Variants in GREB1L observed in about 807,000 individuals in gnomAD.
GREB1L encodes the protein GREB1-like protein.
In GREB1L, 17 loss-of-function variants were observed where a neutral mutation model predicts 200.8. The ratio of observed to expected loss-of-function variants is 0.08; its 90% CI spans 0.06 to 0.13. The LOEUF is 0.13. Among genes scored for constraint, GREB1L ranks in the 10% least tolerant of loss-of-function variants. GREB1L has a pLI of 1.00. For missense variants in GREB1L, 1,657 were observed against 2,367.7 expected (o/e 0.70, Z 6.23); for synonymous variants, 789 against 893.0 (o/e 0.88, Z 2.08).
Position 21,340,849 on chromosome 18 carries a change from C to T in GREB1L, c.-119-25178C>T, listed in dbSNP as rs545347537. On this transcript the variant is annotated intron_variant, in intron 1 of 32. Coordinates refer to ENST00000424526, the MANE Select transcript of GREB1L (RefSeq NM_001142966.3). ...TTGAGCCACCGCACCCGGCCCTAAC[C>T]AAGATGTTAATAATATACATGAAAG... Among the ~76,000 whole-genome samples, 6 of 152,200 alleles carry T rather than the reference C, an allele frequency of 3.9e-5. No homozygotes were observed. In the South Asian group the frequency reaches 1.2e-3, roughly 32 times the overall value.
At chr18:21,275,384 T>C (rs1305787922) in intron 1 of GREB1L, among the ~76,000 whole-genome samples, 3 of 152,236 alleles carry the variant, frequency 2.0e-5, no homozygotes, top group African/African-American at 7.2e-5. Context: ...TTTTAATTAT[T>C]TATTTTTTTA....
chr18:21,324,370 G>T (rs1231348253), intron 1 of GREB1L, among the ~76,000 whole-genome samples: 1 of 152,136 alleles, frequency 6.6e-6, no homozygotes, highest in Admixed American at 6.5e-5. Flanking sequence ...GTATAATTTG[G>T]CTGTTGGGGA....
At chr18:21,289,241 A>G (rs1475396755) in intron 1 of GREB1L, among the ~76,000 whole-genome samples, 6 of 152,102 alleles carry the variant, frequency 3.9e-5, no homozygotes, top group Non-Finnish European at 7.4e-5. Context: ...TTTACCAGAG[A>G]GGATCTTCTG....
intron 27 of GREB1L, among the ~76,000 whole-genome samples, chr18:21,510,383 C>A (rs906727797): frequency 2.6e-5 from 4 of 152,170 alleles, no homozygotes; most frequent in Admixed American, 2.6e-4. Flanking sequence ...CCCTCAGCGT[C>A]TGGCAGCCAC....
chr18:21,343,457 G>A (rs2143041305), intron 1 of GREB1L, among the ~76,000 whole-genome samples: 1 of 152,288 alleles, frequency 6.6e-6, no homozygotes, highest in Non-Finnish European at 1.5e-5. Flanking sequence ...CAAGACAGTG[G>A]TTCTCAGGTA....
chr18:21,343,532 ATTATTGGGT>A (rs554935859), intron 1 of GREB1L, among the ~76,000 whole-genome samples: 5 of 152,230 alleles, frequency 3.3e-5, no homozygotes, highest in Non-Finnish European at 7.4e-5. Flanking sequence ...GGCATAAGCA[ATTATTGGGT>A]TCAGTCCACT....
chr18:21,401,660 T>C lies in GREB1L; in HGVS notation c.709+334T>C, dbSNP rs1316909443. Among the ~76,000 whole-genome samples, 3 of 152,320 alleles carry C rather than the reference T, an allele frequency of 2.0e-5. No homozygotes were observed. The East Asian group carries it at 5.8e-4, about 29-fold the overall frequency. On this transcript the variant is annotated intron_variant, in intron 6 of 32. Transcript: ENST00000424526. The stretch of plus-strand genomic sequence containing the variant: ...CCTTGGTTAGATGCCGTTTTTACTC[T>C]ATTTAATTTCTTTGGAGATTCTCAA...
At position 21,472,736 on chromosome 18, in the gene GREB1L, G is replaced by C. The variant is rs76376222; in HGVS notation, c.2183-295G>C. 7.4e-3 allele frequency among the ~76,000 whole-genome samples: 1,128 copies of C among 152,266 alleles called. 15 individuals carry two copies. The highest frequency in any genetic ancestry group is 0.026 in the African/African-American group (1,066 of 41,550). On this transcript the variant is annotated intron_variant, in intron 15 of 32. Coordinates refer to ENST00000424526, the MANE Select transcript of GREB1L (RefSeq NM_001142966.3). ...AGCAGCAGCATGTTATATACAAATA[G>C]AATTTAATGAAGCAAAGGTCTCATA...
intron 10 of GREB1L, among the ~76,000 whole-genome samples, chr18:21,442,217 C>G (rs1028430634): frequency 2.6e-5 from 4 of 152,146 alleles, no homozygotes; most frequent in Non-Finnish European, 4.4e-5. Context: ...TCAGGAGACT[C>G]CTTGGTTTAG....
intron 7 of GREB1L, among the ~76,000 whole-genome samples, chr18:21,406,605 G>A (rs1268690115): frequency 6.6e-6 from 1 of 152,140 alleles, no homozygotes; most frequent in Non-Finnish European, 1.5e-5. Flanking sequence ...GCAAATATTA[G>A]CATGTGCAGC....
chr18:21,396,305 A>C (rs1445350960), intron 5 of GREB1L, among the ~76,000 whole-genome samples: 1 of 152,172 alleles, frequency 6.6e-6, no homozygotes, highest in East Asian at 1.9e-4. Flanking sequence ...TTGGCCTCCC[A>C]AAGTGCTGGA....
intron 7 of GREB1L, among the ~76,000 whole-genome samples, chr18:21,411,854 G>A (rs1311628719): frequency 6.6e-6 from 1 of 151,052 alleles, no homozygotes; most frequent in Non-Finnish European, 1.5e-5. Context: ...GACCATCCTG[G>A]CTAACACGGT....
In GREB1L at chr18:21,384,495, A is replaced by T. The variant is rs1461208261; in HGVS notation, c.355+92A>T. On this transcript the variant is annotated intron_variant, in intron 4 of 32. Coordinates refer to ENST00000424526, the MANE Select transcript of GREB1L (RefSeq NM_001142966.3). ...TTACATGAGGTGCTCAAGGCTGGAA[A>T]CTAGTAATTATCGTATGGAGAGGAA... 4 of 970,920 alleles carry T rather than the reference A, an allele frequency of 4.1e-6. No homozygotes were observed. The East Asian group carries it at 1.0e-4, about 25-fold the overall frequency. 60.1% of individuals were successfully genotyped at this position (970,920 alleles called of 1,614,324 possible).
chr18:21,275,607 T>G (rs1353879663), intron 1 of GREB1L, among the ~76,000 whole-genome samples: 1 of 152,048 alleles, frequency 6.6e-6, no homozygotes, highest in African/African-American at 2.4e-5. Flanking sequence ...GAGCTGAAAT[T>G]GCACCACTGC....
rs1555629787 is a variant in GREB1L, at chr18:21,344,403, A to AAAAAACAACAACAACAACAAC, written c.-119-21622_-119-21621insAAACAACAACAACAACAACAA. On this transcript the variant is annotated intron_variant, in intron 1 of 32. Transcript: ENST00000424526. ...GCGACAGAGCAAAACTCTGTCTCAA[A>AAAAAACAACAACAACAACAAC]AACAACAACAACAACAACAACAACA... Among the ~76,000 whole-genome samples, 9 of 150,226 alleles carry AAAAAACAACAACAACAACAAC rather than the reference A, an allele frequency of 6.0e-5. 1 individual carries two copies. The highest frequency in any genetic ancestry group is 2.7e-4 in the Admixed American group (4 of 15,052).
chr18:21,280,160 C>T (rs1473551142), intron 1 of GREB1L, among the ~76,000 whole-genome samples: 1 of 152,188 alleles, frequency 6.6e-6, no homozygotes, highest in Non-Finnish European at 1.5e-5. Context: ...TTTGATTGTG[C>T]TCTACCGTTG....
chr18:21,490,140 T>C lies in GREB1L; in HGVS notation c.2819T>C (p.Met940Thr), dbSNP rs1399177115. 4 of 1,551,706 alleles carry C rather than the reference T, an allele frequency of 2.6e-6. No individual in the cohort carries two copies. Among genetic ancestry groups the C allele is most frequent in the Non-Finnish European group, 3.5e-6 (4 of 1,147,006 alleles). The change falls in exon 19 of 33, where the codon ATG becomes ACG. Residue 940 changes from methionine to threonine, a missense_variant. This residue lies in a region of GREB1L where 82 missense variants were observed against 95.9 expected (regional missense o/e 0.85). Transcript: ENST00000424526. ...DHSTPETLSIMDDLISSPGKN... is the reference protein window; with the variant it reads ...DHSTPETLSITDDLISSPGKN... ...AGCACACCAGAAACACTCAGCATTA[T>C]GGATGACCTCATCAGCTCCCCAGGC...
At chr18:21,519,118 G>T (rs533925441) in intron 31 of GREB1L, among the ~76,000 whole-genome samples, 1 of 152,216 alleles carries the variant, frequency 6.6e-6, no homozygotes, top group South Asian at 2.1e-4. Flanking sequence ...CTACACTGTA[G>T]ATTGGGTAAT....
At chr18:21,320,501 C>T (rs1201052898) in intron 1 of GREB1L, among the ~76,000 whole-genome samples, 4 of 152,110 alleles carry the variant, frequency 2.6e-5, no homozygotes, top group South Asian at 2.1e-4. Flanking sequence ...TGATGGCTCA[C>T]GCCTGTAATC....
Sources: allele counts gnomAD v4.1 joint callset (sites outside exome capture counted in the v4.1 genomes callset), GRCh38; gene constraint gnomAD v4.1.1; regional missense constraint gnomAD v4.1.1; transcripts MANE v1.5; gene names NCBI Gene and HGNC (gene_info 2026-07-23, HGNC 2026-07-21).